The following FNIP1 variants were observed in gnomAD, a reference collection of about 807,000 sequenced individuals.
The protein encoded by FNIP1 is folliculin interacting protein 1.
A neutral mutation model predicts 124.5 loss-of-function variants in FNIP1; 40 were observed. The observed-to-expected ratio is 0.32, with a 90% CI of 0.25 to 0.42. The LOEUF is 0.42. FNIP1 is among the 10% of genes least tolerant of loss of function. The pLI is 1.00. For synonymous variants in FNIP1, 472 were observed against 470.6 expected (o/e 1.00, Z -0.04); for missense variants, 1,176 against 1,403.7 (o/e 0.84, Z 2.59).
At chr5:131,660,347 C>A (rs1767387166) in intron 15 of FNIP1, among the ~76,000 whole-genome samples, 1 of 152,162 alleles carries the variant, frequency 6.6e-6, no homozygotes, top group Non-Finnish European at 1.5e-5. Flanking sequence ...AGAAATGAAA[C>A]TTTCCCAACT....
chr5:131,676,430 T>C (rs1414625402), intron 13 of FNIP1, among the ~76,000 whole-genome samples: 1 of 151,992 alleles, frequency 6.6e-6, no homozygotes. Context: ...ATTACAGGCA[T>C]GAGCCACTGC....
chr5:131,678,557 G>A (rs1286762307), intron 12 of FNIP1, among the ~76,000 whole-genome samples: 8 of 152,028 alleles, frequency 5.3e-5, no homozygotes, highest in East Asian at 3.9e-4. Context: ...ACAGGCACCC[G>A]CCACCATGCC....
At chr5:131,649,740 A>G (rs1279552770) in intron 16 of FNIP1, among the ~76,000 whole-genome samples, 1 of 152,164 alleles carries the variant, frequency 6.6e-6, no homozygotes, top group Non-Finnish European at 1.5e-5. Context: ...TGTCACAAAG[A>G]TTATCCCCTA....
chr5:131,673,397 G>A (rs1767824835), intron 13 of FNIP1, among the ~76,000 whole-genome samples: 1 of 152,110 alleles, frequency 6.6e-6, no homozygotes, highest in South Asian at 2.1e-4. Context: ...ATTCAAGGGA[G>A]GAAGATGAGA....
intron 7 of FNIP1, among the ~76,000 whole-genome samples, 190 bp from the exon 8 acceptor site, chr5:131,709,462 T>C (rs1321081976): frequency 1.3e-5 from 2 of 152,202 alleles, no homozygotes; most frequent in African/African-American, 4.8e-5. Flanking sequence ...CTGTGAAGAT[T>C]TGATACACAG....
chr5:131,716,276 C>A (rs1480948497), intron 6 of FNIP1, among the ~76,000 whole-genome samples: 1 of 152,132 alleles, frequency 6.6e-6, no homozygotes, highest in Non-Finnish European at 1.5e-5. Flanking sequence ...ATCACTGACA[C>A]CTTTCAAAGA....
chr5:131,780,106 C>G lies in FNIP1; in HGVS notation c.92+16724G>C, dbSNP rs150048057. Among the ~76,000 whole-genome samples, 4 of 152,134 alleles carry G rather than the reference C, an allele frequency of 2.6e-5. 1 individual carries two copies. The highest frequency in any genetic ancestry group is 2.0e-4 in the Admixed American group (3 of 15,284). On this transcript the variant is annotated intron_variant, in intron 1 of 17. Coordinates refer to ENST00000510461, the MANE Select transcript of FNIP1 (RefSeq NM_133372.3). ...AGGAAATCCATGTAAGCAAGGGACACTGACACATTCAAAGCCCACTAAAAT... is the reference window on the plus strand; with the variant it reads ...AGGAAATCCATGTAAGCAAGGGACAGTGACACATTCAAAGCCCACTAAAAT...
intron 1 of FNIP1, among the ~76,000 whole-genome samples, chr5:131,777,052 C>T (rs1239181241): frequency 2.0e-5 from 3 of 151,842 alleles, no homozygotes; most frequent in Non-Finnish European, 1.5e-5. Context: ...AGCAACATAG[C>T]GAGACTCTGT....
At chr5:131,701,588 T>C (rs1232277132) in intron 10 of FNIP1, among the ~76,000 whole-genome samples, 2 of 152,214 alleles carry the variant, frequency 1.3e-5, no homozygotes. Flanking sequence ...TAATGAACTA[T>C]TTATTTTTTG....
intron 1 of FNIP1, among the ~76,000 whole-genome samples, chr5:131,749,128 A>T (rs1770783541): frequency 6.6e-6 from 1 of 152,214 alleles, no homozygotes. Flanking sequence ...AGTTCAAAAG[A>T]TTTTAAAATT....
chr5:131,749,065 T>C (rs537438114), intron 1 of FNIP1, among the ~76,000 whole-genome samples: 1 of 152,292 alleles, frequency 6.6e-6, no homozygotes, highest in East Asian at 1.9e-4. Flanking sequence ...AAAGAAAATA[T>C]GTTTGTACAG....
chr5:131,783,494 A>G (rs59770206), intron 1 of FNIP1, among the ~76,000 whole-genome samples: 11,477 of 152,026 alleles, frequency 0.075, 900 homozygotes, highest in African/African-American at 0.2. Context: ...AATACGGGAG[A>G]CTGTCCCTGG....
rs555399059 is a variant in FNIP1, at chr5:131,739,276, C to T, written c.219+5288G>A. Among the ~76,000 whole-genome samples, 3 of 152,274 alleles carry T rather than the reference C, an allele frequency of 2.0e-5. No individual in the cohort carries two copies. In the South Asian group the frequency reaches 6.2e-4, roughly 32 times the overall value. ...TCCAAATTAAGGCTGGGCACAGTGA[C>T]TCATGCTTGAGCCCAAGAGTTTGAG... On this transcript the variant is annotated intron_variant, in intron 2 of 17. Transcript: ENST00000510461.
chr5:131,670,376 T>G, intron 15 of FNIP1, 87 bp downstream of exon 15: 1 of 1,198,776 alleles, frequency 8.3e-7, no homozygotes, highest in Non-Finnish European at 1.1e-6. Context: ...TTGTAAAAAG[T>G]ATGACCAAAA....
At chr5:131,701,920 A>G (rs1269143170) in intron 10 of FNIP1, among the ~76,000 whole-genome samples, 1 of 152,134 alleles carries the variant, frequency 6.6e-6, no homozygotes, top group Non-Finnish European at 1.5e-5. Flanking sequence ...ACCTCTCACT[A>G]TTCCTCTTTG....
Position 131,644,590 on chromosome 5 carries a change from C to T in FNIP1, c.*95G>A, listed in dbSNP as rs1201559346. On this transcript the variant is annotated 3_prime_UTR_variant, in exon 18 of 18. Coordinates refer to ENST00000510461, the MANE Select transcript of FNIP1 (RefSeq NM_133372.3). Reference sequence around the variant, plus strand: ...GTGACTGACTCATTCAGATGGAAGTCTAAAAGGGAAAAAGAATCTCCATAA... The same window carrying T: ...GTGACTGACTCATTCAGATGGAAGTTTAAAAGGGAAAAAGAATCTCCATAA... The T allele has an allele frequency of 9.2e-7, 1 of 1,082,532 alleles. No homozygotes were observed. The highest frequency in any genetic ancestry group is 1.4e-6 in the Non-Finnish European group (1 of 717,138). 67.1% of individuals were successfully genotyped at this position (1,082,532 alleles called of 1,614,324 possible). A position where few individuals can be genotyped will look rare whatever the true frequency, so the allele number is the denominator to read the frequency against.
At chr5:131,709,358 A>G (rs1464774292) in intron 7 of FNIP1, 86 bp from the exon 8 acceptor site, 2 of 1,127,818 alleles carry the variant, frequency 1.8e-6, no homozygotes, top group Non-Finnish European at 2.7e-6. Context: ...AAACGAAATC[A>G]TGCTCATCTC....
At chr5:131,688,101 T>TAA (rs200001628) in intron 11 of FNIP1, among the ~76,000 whole-genome samples, 6 of 145,460 alleles carry the variant, frequency 4.1e-5, no homozygotes, top group Admixed American at 6.9e-5. Context: ...AAATTCAGAC[T>TAA]AAAAAAAAAA....
At chr5:131,748,934 A>G (rs1770776685) in intron 1 of FNIP1, among the ~76,000 whole-genome samples, 1 of 152,120 alleles carries the variant, frequency 6.6e-6, no homozygotes, top group Non-Finnish European at 1.5e-5. Context: ...GAGATGGAAG[A>G]TAGTGGTACT....
Sources: allele counts gnomAD v4.1 joint callset (sites outside exome capture counted in the v4.1 genomes callset), GRCh38; gene constraint gnomAD v4.1.1; transcripts MANE v1.5; gene names NCBI Gene and HGNC (gene_info 2026-07-23, HGNC 2026-07-21).